USP49: variants seen among roughly 807,000 people sequenced by gnomAD.
USP49 encodes ubiquitin specific peptidase 49.
Under a neutral mutation model 58.6 loss-of-function variants are expected in USP49, and 24 were observed. That is an observed-to-expected ratio of 0.41 (90% CI 0.30 to 0.58). The LOEUF is 0.58. USP49 is among the 20% of genes least tolerant of loss of function. The pLI, the probability that USP49 is intolerant of heterozygous loss-of-function variation, is 0.30. For synonymous variants in USP49, 408 were observed against 365.1 expected, an observed-to-expected ratio of 1.12 and a Z score of -1.34; for missense variants, 703 against 866.1, an observed-to-expected ratio of 0.81 and a Z score of 2.36.
chr6:41,878,027 C>T (rs1774532950), intron 2 of USP49, among the ~76,000 whole-genome samples: 1 of 152,160 alleles, frequency 6.6e-6, no homozygotes, highest in Admixed American at 6.5e-5. Context: ...CTCAGCCTCC[C>T]AAGTAGCTGG....
chr6:41,876,166 C>T (rs184673966), intron 2 of USP49, among the ~76,000 whole-genome samples: 1 of 152,156 alleles, frequency 6.6e-6, no homozygotes, highest in Non-Finnish European at 1.5e-5. Context: ...AGTGTTTCCA[C>T]GCACATCCCC....
At position 41,806,265 on chromosome 6, in the gene USP49, A is replaced by G; in HGVS notation, c.719T>C (p.Leu240Pro). ...CATGGCCGGCTGGCGACGCAGCTTG[A>G]GTGTGGCGGCGGGCACTCTGCGTGA... ...PTSRRVPAAT[L>P]KLRRQPAMAP... The change falls in exon 4 of 8, where the codon CTC (leucine) becomes CCC (proline). Residue 240 changes from leucine to proline, a missense_variant. This residue lies in a region of USP49 where 376 missense variants were observed against 373.5 expected (regional missense o/e 1.01). Coordinates refer to ENST00000682992, the MANE Select transcript of USP49 (RefSeq NM_001286554.2). This position sits in a 1 kb window ranked among gnomAD's most constrained non-coding sequence, Gnocchi z 5.9. 2 of 1,605,886 alleles carry G rather than the reference A, an allele frequency of 1.2e-6. No homozygotes were observed. Among genetic ancestry groups the G allele is most frequent in the Non-Finnish European group, 8.5e-7 (1 of 1,179,586 alleles).
chr6:41,862,343 C>G (rs1774237953), intron 3 of USP49, among the ~76,000 whole-genome samples: 1 of 152,184 alleles, frequency 6.6e-6, no homozygotes, highest in African/African-American at 2.4e-5. Context: ...ACTGATATAT[C>G]TTTAAATATG....
intron 2 of USP49, among the ~76,000 whole-genome samples, chr6:41,891,171 G>A (rs1427231359): frequency 1.3e-5 from 2 of 152,176 alleles, no homozygotes; most frequent in Non-Finnish European, 2.9e-5. Context: ...AACTTGGTGA[G>A]GGAGAACTTC....
At chr6:41,810,034 C>A (rs1348564513) in intron 3 of USP49, among the ~76,000 whole-genome samples, 2 of 150,700 alleles carry the variant, frequency 1.3e-5, no homozygotes, top group South Asian at 2.1e-4. Context: ...TGCCTTTAGT[C>A]CCAGCTGCTC....
At chr6:41,809,099 T>C (rs1471479515) in intron 3 of USP49, among the ~76,000 whole-genome samples, 1 of 151,950 alleles carries the variant, frequency 6.6e-6, no homozygotes, top group Non-Finnish European at 1.5e-5. Context: ...TTTGTAGATA[T>C]GGGGATCTCA....
chr6:41,853,516 T>C (rs1039830589), intron 3 of USP49, among the ~76,000 whole-genome samples: 1 of 151,600 alleles, frequency 6.6e-6, no homozygotes, highest in Non-Finnish European at 1.5e-5. Flanking sequence ...AAATGAAGGG[T>C]TTAAGATGTT....
intron 1 of USP49, among the ~76,000 whole-genome samples, chr6:41,892,326 G>A (rs1045174938): frequency 2.0e-5 from 3 of 152,084 alleles, no homozygotes; most frequent in Non-Finnish European, 2.9e-5. Flanking sequence ...TACAGAGTAC[G>A]TCCTACTACT....
chr6:41,888,851 G>A (rs746324072), intron 2 of USP49, among the ~76,000 whole-genome samples: 6 of 152,086 alleles, frequency 3.9e-5, no homozygotes, highest in Non-Finnish European at 8.8e-5. Context: ...AAATGGACAG[G>A]CCATCATTTT....
chr6:41,850,060 C>A (rs1773997290), intron 3 of USP49, among the ~76,000 whole-genome samples: 1 of 151,868 alleles, frequency 6.6e-6, no homozygotes, highest in Non-Finnish European at 1.5e-5. Flanking sequence ...TACCTTGAGA[C>A]AAATAAAAAT....
At chr6:41,810,620 C>T (rs1205405304) in intron 3 of USP49, among the ~76,000 whole-genome samples, 1 of 149,420 alleles carries the variant, frequency 6.7e-6, no homozygotes, top group African/African-American at 2.5e-5. Context: ...GATCTTGGCT[C>T]AGTGCAACCT....
chr6:41,821,842 A>G (rs529031332), intron 3 of USP49, among the ~76,000 whole-genome samples: 7 of 152,210 alleles, frequency 4.6e-5, no homozygotes, highest in Middle Eastern at 3.2e-3. Context: ...TAGTCTCAGC[A>G]AACAGCAGCA....
intron 3 of USP49, among the ~76,000 whole-genome samples, chr6:41,817,940 C>T (rs1773386448): frequency 6.6e-6 from 1 of 152,144 alleles, no homozygotes; most frequent in Non-Finnish European, 1.5e-5. Context: ...TTTTGAATCT[C>T]AGGTTGAATT....
intron 3 of USP49, among the ~76,000 whole-genome samples, chr6:41,852,845 T>A (rs529467911): frequency 2.0e-5 from 3 of 152,100 alleles, no homozygotes; most frequent in Non-Finnish European, 4.4e-5. Context: ...GATAAACGGA[T>A]AAACAAAATG....
chr6:41,834,855 C>T (rs1773698574), intron 3 of USP49, among the ~76,000 whole-genome samples: 1 of 152,166 alleles, frequency 6.6e-6, no homozygotes, highest in Non-Finnish European at 1.5e-5. Context: ...TGGACTAATA[C>T]AGTAAGTATT....
chr6:41,882,621 G>A (rs1368055715), intron 2 of USP49, among the ~76,000 whole-genome samples: 1 of 113,774 alleles, frequency 8.8e-6, no homozygotes, highest in Non-Finnish European at 2.0e-5. Flanking sequence ...TTTCCATTCG[G>A]TAAAGAACAA....
At chr6:41,804,999 T>G (rs1773085102) in intron 4 of USP49, among the ~76,000 whole-genome samples, 1 of 152,168 alleles carries the variant, frequency 6.6e-6, no homozygotes, top group South Asian at 2.1e-4. Flanking sequence ...CCACCCACCT[T>G]GGCCTCCTGA....
chr6:41,839,011 C>T (rs1773773884), intron 3 of USP49, among the ~76,000 whole-genome samples: 1 of 152,124 alleles, frequency 6.6e-6, no homozygotes, highest in African/African-American at 2.4e-5. Context: ...TTAAAAAATT[C>T]TTGGAACTAA....
intron 6 of USP49, among the ~76,000 whole-genome samples, chr6:41,799,241 G>T (rs571208176): frequency 1.3e-5 from 2 of 152,064 alleles, no homozygotes; most frequent in Admixed American, 1.3e-4. Context: ...GAGTAGGTGG[G>T]ACTATAGGTG....
Sources: gnomAD v4.1 joint callset for allele counts (sites outside exome capture counted in the v4.1 genomes callset) on GRCh38, gnomAD v4.1.1 for gene constraint, gnomAD v4.1.1 regional missense constraint, Gnocchi (gnomAD v3.1) non-coding constraint, MANE v1.5 for transcripts, NCBI Gene and HGNC (gene_info 2026-07-23, HGNC 2026-07-21) for gene names.